NUDT3: variants seen among roughly 807,000 people sequenced by gnomAD.
NUDT3 encodes the protein diphosphoinositol polyphosphate phosphohydrolase 1.
Under a neutral mutation model 23.6 loss-of-function variants are expected in NUDT3, and 9 were observed. The observed-to-expected ratio is 0.38, with a 90% CI of 0.23 to 0.66. NUDT3 has a LOEUF of 0.66. Ranked by LOEUF, NUDT3 falls within the 30% of genes least tolerant of loss-of-function variation. The probability of loss-of-function intolerance (pLI) is 0.52; values close to 1 mark genes in which losing one functional copy is unlikely to be tolerated. For synonymous variants in NUDT3, 86 were observed against 82.6 expected (o/e 1.04, Z -0.22); for missense variants, 172 against 218.5 (o/e 0.79, Z 1.34).
chr6:34,379,813 G>A (rs1190649628), intron 1 of NUDT3, among the ~76,000 whole-genome samples: 8 of 151,670 alleles, frequency 5.3e-5, no homozygotes, highest in Non-Finnish European at 7.4e-5. Context: ...TCAGGAGTTC[G>A]AGATCAGCCT....
At chr6:34,309,847 A>G (rs1312305689) in intron 2 of NUDT3, among the ~76,000 whole-genome samples, 3 of 152,192 alleles carry the variant, frequency 2.0e-5, no homozygotes, top group South Asian at 4.1e-4. Context: ...CCTACATGAA[A>G]TGACCAATTC....
intron 1 of NUDT3, among the ~76,000 whole-genome samples, chr6:34,342,289 C>CAAAAAAAAAAAAAAAAAAAAAAA (rs200954440): frequency 3.0e-5 from 2 of 66,518 alleles, no homozygotes; most frequent in African/African-American, 4.5e-5. Context: ...TAGAAGACTT[C>CAAAAAAAAAAAAAAAAAAAAAAA]AAAAAAAAAA....
At chr6:34,319,208 G>A (rs921392102) in intron 2 of NUDT3, among the ~76,000 whole-genome samples, 4 of 152,120 alleles carry the variant, frequency 2.6e-5, no homozygotes, top group African/African-American at 9.7e-5. Flanking sequence ...GTTCTGCAGT[G>A]GATGCCAGCA....
chr6:34,310,751 G>C (rs1037813055), intron 2 of NUDT3, among the ~76,000 whole-genome samples: 1 of 152,078 alleles, frequency 6.6e-6, no homozygotes, highest in East Asian at 1.9e-4. Context: ...GAAAACTACA[G>C]ACCAATATCT....
At position 34,281,624 on chromosome 6, in the gene NUDT3, G is replaced by A. The variant is rs1347256306; in HGVS notation, c.*7129C>T. ...TACTTATTTCTTTTACAGTAGAGCT[G>A]ACCAATTACTTTTCTAACTACTAAT... On this transcript the variant is annotated 3_prime_UTR_variant, in exon 5 of 5. Coordinates refer to ENST00000607016, the MANE Select transcript of NUDT3 (RefSeq NM_006703.4). The A allele has an allele frequency of 1.3e-5, 2 of 152,182 alleles. No individual in the cohort carries two copies. The highest frequency in any genetic ancestry group is 2.4e-5 in the African/African-American group (1 of 41,448). 9.4% of individuals were successfully genotyped at this position (152,182 alleles called of 1,614,324 possible).
intron 1 of NUDT3, among the ~76,000 whole-genome samples, chr6:34,389,948 A>G (rs1160977434): frequency 6.7e-6 from 1 of 149,554 alleles, no homozygotes; most frequent in Admixed American, 6.7e-5. Flanking sequence ...TGGGCGACAG[A>G]GCAAGACTCT....
intron 1 of NUDT3, among the ~76,000 whole-genome samples, chr6:34,389,658 AAAATAAAT>A (rs532898376): frequency 2.8e-4 from 43 of 152,072 alleles, no homozygotes; most frequent in African/African-American, 9.2e-4. Context: ...ACCCTGTCTC[AAAATAAAT>A]AAATAAATAA....
chr6:34,315,097 AG>A (rs774003767), intron 2 of NUDT3, among the ~76,000 whole-genome samples: 17 of 152,224 alleles, frequency 1.1e-4, no homozygotes, highest in Non-Finnish European at 2.4e-4. Flanking sequence ...CAGTTACTAC[AG>A]GGGTATTACA....
intron 2 of NUDT3, among the ~76,000 whole-genome samples, chr6:34,339,595 T>C (rs960186237): frequency 6.6e-6 from 1 of 152,222 alleles, no homozygotes; most frequent in Non-Finnish European, 1.5e-5. Context: ...AGCAAGAGCT[T>C]AAACCAGGGA....
At chr6:34,365,902 G>T (rs1764720632) in intron 1 of NUDT3, among the ~76,000 whole-genome samples, 1 of 152,040 alleles carries the variant, frequency 6.6e-6, no homozygotes, top group Admixed American at 6.6e-5. Flanking sequence ...TTAGCCAGGG[G>T]TGGTGGCGCA....
intron 2 of NUDT3, among the ~76,000 whole-genome samples, chr6:34,304,975 ATTTTTTTT>A (rs535349190): frequency 1.4e-3 from 118 of 85,346 alleles, no homozygotes; most frequent in African/African-American, 5.7e-3. Context: ...CCCGGTCTGA[ATTTTTTTT>A]TTTTTTTTTT....
chr6:34,367,741 T>C (rs1764760004), intron 1 of NUDT3, among the ~76,000 whole-genome samples: 1 of 152,210 alleles, frequency 6.6e-6, no homozygotes, highest in Admixed American at 6.6e-5. Context: ...AAAAACTTGC[T>C]TCTAGCCTTG....
rs1338845857 is a variant in NUDT3, at chr6:34,333,864, G to A, written c.210+7998C>T. On this transcript the variant is annotated intron_variant, in intron 2 of 4. Transcript: ENST00000607016. Reference sequence around the variant, plus strand: ...CCAAAGGGGCATACTACATGAAGTTGTCACTAGGCAAAACCAATCAGGTCC... The same window carrying A: ...CCAAAGGGGCATACTACATGAAGTTATCACTAGGCAAAACCAATCAGGTCC... 2.0e-5 allele frequency among the ~76,000 whole-genome samples: 3 copies of A among 152,240 alleles called. No individual in the cohort carries two copies. In the East Asian group the frequency reaches 5.8e-4, roughly 29 times the overall value.
chr6:34,382,721 C>T (rs1009288286), intron 1 of NUDT3, among the ~76,000 whole-genome samples: 17 of 151,864 alleles, frequency 1.1e-4, no homozygotes, highest in Non-Finnish European at 1.8e-4. Context: ...ATCTTAGCTA[C>T]ACGGGAGGCT....
At chr6:34,297,222 G>A (rs146203280) in intron 2 of NUDT3, among the ~76,000 whole-genome samples, 291 of 152,168 alleles carry the variant, frequency 1.9e-3, no homozygotes, top group African/African-American at 6.0e-3. Context: ...GTGAGTCACC[G>A]CGCCTGGCCT....
chr6:34,306,942 C>T lies in NUDT3; in HGVS notation c.211-11257G>A, dbSNP rs114269093. On this transcript the variant is annotated intron_variant, in intron 2 of 4. Transcript: ENST00000607016. ...GACTAAGGAGCAATTCTTTTTTAAACGCTACTAGCTTTTGAGATAAATTAT... is the reference window on the plus strand; with the variant it reads ...GACTAAGGAGCAATTCTTTTTTAAATGCTACTAGCTTTTGAGATAAATTAT... Among the ~76,000 whole-genome samples, 1,288 of 152,224 alleles carry T rather than the reference C, an allele frequency of 8.5e-3. 11 individuals carry two copies. The highest frequency in any genetic ancestry group is 0.031 in the Middle Eastern group (9 of 294).
intron 2 of NUDT3, among the ~76,000 whole-genome samples, chr6:34,332,503 A>G (rs1764142897): frequency 6.6e-6 from 1 of 152,146 alleles, no homozygotes; most frequent in South Asian, 2.1e-4. Flanking sequence ...CACTCAGTAT[A>G]ATGGTGTAAC....
intron 2 of NUDT3, among the ~76,000 whole-genome samples, chr6:34,326,455 T>G (rs1232711728): frequency 6.6e-6 from 1 of 152,202 alleles, no homozygotes; most frequent in African/African-American, 2.4e-5. Context: ...ATACTTTGGT[T>G]GTTTTTCACT....
At chr6:34,374,433 G>A (rs1051277015) in intron 1 of NUDT3, among the ~76,000 whole-genome samples, 1 of 152,004 alleles carries the variant, frequency 6.6e-6, no homozygotes, top group Admixed American at 6.6e-5. Context: ...AATTCACAGA[G>A]CACCATTTAC....
Sources: allele counts gnomAD v4.1 joint callset (sites outside exome capture counted in the v4.1 genomes callset), GRCh38; gene constraint gnomAD v4.1.1; transcripts MANE v1.5; gene names NCBI Gene and HGNC (gene_info 2026-07-23, HGNC 2026-07-21).